Variants in BABAM2 observed in about 807,000 individuals in gnomAD.
The protein encoded by BABAM2 is BRISC and BRCA1 A complex member 2.
A neutral mutation model predicts 54.7 loss-of-function variants in BABAM2; 31 were observed. The observed-to-expected ratio is 0.57, with a 90% CI of 0.43 to 0.77. The LOEUF (loss-of-function observed/expected upper bound fraction) is 0.77, where lower values mean the gene tolerates loss of function less well. Among genes scored for constraint, BABAM2 ranks in the 30% least tolerant of loss-of-function variants. The probability of loss-of-function intolerance (pLI) is 0.00; values close to 1 mark genes in which losing one functional copy is unlikely to be tolerated. For synonymous variants in BABAM2, 167 were observed against 162.9 expected (o/e 1.03, Z -0.19); for missense variants, 364 against 455.8 (o/e 0.80, Z 1.83).
chr2:28,014,668 G>A (rs1296625705), intron 4 of BABAM2, among the ~76,000 whole-genome samples: 1 of 138,132 alleles, frequency 7.2e-6, no homozygotes, highest in Non-Finnish European at 1.6e-5. Flanking sequence ...TATGAAGCTG[G>A]TTTTTTTTTT....
chr2:28,176,109 GA>G (rs1469599140), intron 7 of BABAM2, among the ~76,000 whole-genome samples: 1 of 152,182 alleles, frequency 6.6e-6, no homozygotes, highest in Non-Finnish European at 1.5e-5. Flanking sequence ...CAAAAAGTTA[GA>G]AGTGACTTTT....
chr2:28,241,841 T>TC (rs553576490), intron 9 of BABAM2, among the ~76,000 whole-genome samples: 86 of 149,800 alleles, frequency 5.7e-4, no homozygotes, highest in Non-Finnish European at 8.0e-4. Context: ...GGTATGCTGT[T>TC]CATACCAAAG....
At chr2:28,274,031 C>T (rs1685661792) in intron 10 of BABAM2, among the ~76,000 whole-genome samples, 1 of 152,240 alleles carries the variant, frequency 6.6e-6, no homozygotes, top group African/African-American at 2.4e-5. Context: ...TTGCTTATAA[C>T]CTGTCACCTC....
chr2:27,991,734 G>A (rs191116689), intron 4 of BABAM2, among the ~76,000 whole-genome samples: 270 of 152,174 alleles, frequency 1.8e-3, no homozygotes, highest in Non-Finnish European at 3.0e-3. Context: ...TTTTCTTATT[G>A]CCAAATACGA....
chr2:28,241,588 G>A (rs551110433), intron 9 of BABAM2, among the ~76,000 whole-genome samples, 195 bp downstream of exon 9: 9 of 151,954 alleles, frequency 5.9e-5, no homozygotes, highest in African/African-American at 2.2e-4. Flanking sequence ...TCCACTTCCC[G>A]AGTTCAAGCG....
At chr2:28,112,230 T>C (rs921830699) in intron 6 of BABAM2, among the ~76,000 whole-genome samples, 2 of 74,752 alleles carry the variant, frequency 2.7e-5, no homozygotes, top group African/African-American at 5.5e-5. Context: ...TTCCTTCCTT[T>C]AAGTTCTGGG....
intron 10 of BABAM2, among the ~76,000 whole-genome samples, chr2:28,252,194 A>AC (rs1216784265): frequency 6.6e-6 from 1 of 151,494 alleles, no homozygotes; most frequent in East Asian, 1.9e-4. Flanking sequence ...CTCAAAAAAA[A>AC]AAAAAGCAAA....
intron 6 of BABAM2, among the ~76,000 whole-genome samples, chr2:28,093,139 T>G (rs1666303534): frequency 6.6e-6 from 1 of 152,172 alleles, no homozygotes; most frequent in Admixed American, 6.6e-5. Flanking sequence ...GTTCTTTAAA[T>G]TTGTATACCA....
Position 28,218,047 on chromosome 2 carries a change from C to T in BABAM2, c.681-19155C>T, listed in dbSNP as rs193164244. Among the ~76,000 whole-genome samples the T allele has an allele frequency of 1.7e-3, 254 of 152,232 alleles. 3 individuals carry two copies. The highest frequency in any genetic ancestry group is 5.9e-3 in the African/African-American group (244 of 41,546). On this transcript the variant is annotated intron_variant, in intron 7 of 11. Transcript: ENST00000379624. ...GAATAGAACAAGGAACTGTCTTATT[C>T]CTTTTACACAGATTCCCTAATTGTT... is the stretch of plus-strand genomic sequence containing the variant.
chr2:28,112,147 T>TTCTTTCTCTCCC (rs1558346715), intron 6 of BABAM2, among the ~76,000 whole-genome samples: 1 of 5,240 alleles, frequency 1.9e-4, no homozygotes, highest in Admixed American at 2.4e-3. Flanking sequence ...CTTTCTTTCT[T>TTCTTTCTCTCCC]TACCTCCCTC....
intron 10 of BABAM2, among the ~76,000 whole-genome samples, chr2:28,254,284 G>A (rs1011168493): frequency 6.6e-6 from 1 of 152,132 alleles, no homozygotes; most frequent in African/African-American, 2.4e-5. Flanking sequence ...CTACAGGCAT[G>A]TGCCACCATG....
chr2:28,163,840 G>C (rs900613000), intron 7 of BABAM2, among the ~76,000 whole-genome samples: 1 of 149,154 alleles, frequency 6.7e-6, no homozygotes, highest in Non-Finnish European at 1.5e-5. Context: ...GATGAGAATT[G>C]AGGCCATCCA....
intron 4 of BABAM2, among the ~76,000 whole-genome samples, chr2:28,017,381 A>G (rs1341637897): frequency 1.3e-5 from 2 of 152,122 alleles, no homozygotes; most frequent in African/African-American, 4.8e-5. Context: ...AAGACTTCCC[A>G]TTTATTTTAT....
In BABAM2 at chr2:28,129,249, GTGTTTTC is replaced by G. The variant is rs2148767971; in HGVS notation, c.571-21_571-15del. On this transcript the variant is annotated splice_polypyrimidine_tract_variant and intron_variant, in intron 6 of 11. Transcript: ENST00000379624. ...TGTTAGGAGAACAGGTGCTGATGTT[GTGTTTTC>G]ACTTCTTGTTTAAGGATGTAAATGA... 1 of 1,584,740 alleles carries G rather than the reference GTGTTTTC, an allele frequency of 6.3e-7. No homozygotes were observed. Among genetic ancestry groups the G allele is most frequent in the African/African-American group, 1.3e-5 (1 of 74,350 alleles).
intron 9 of BABAM2, 87 bp downstream of exon 9, chr2:28,241,480 A>C (rs1573912787): frequency 3.1e-6 from 4 of 1,270,956 alleles, no homozygotes; most frequent in South Asian, 1.3e-5. Flanking sequence ...AGAAAATAGC[A>C]CTTAGTTCTT....
chr2:28,337,557 A>C (rs1186911838), intron 11 of BABAM2, among the ~76,000 whole-genome samples: 1 of 152,252 alleles, frequency 6.6e-6, no homozygotes, highest in Non-Finnish European at 1.5e-5. Context: ...CGGAAAGGCC[A>C]AACGGGCTGC....
At chr2:28,275,435 AC>A (rs1302888889) in intron 10 of BABAM2, among the ~76,000 whole-genome samples, 1 of 152,076 alleles carries the variant, frequency 6.6e-6, no homozygotes, top group African/African-American at 2.4e-5. Flanking sequence ...CCTCCATTGT[AC>A]CTATTGCCTA....
intron 5 of BABAM2, among the ~76,000 whole-genome samples, chr2:28,040,339 C>T (rs1362559366): frequency 1.2e-4 from 12 of 99,548 alleles, no homozygotes; most frequent in Admixed American, 8.4e-4. Context: ...CTCGCTCTGT[C>T]GCCCAGGCTG....
intron 6 of BABAM2, among the ~76,000 whole-genome samples, chr2:28,057,342 C>T (rs1573490168): frequency 6.6e-6 from 1 of 152,144 alleles, no homozygotes; most frequent in South Asian, 2.1e-4. Context: ...GACTTAATCC[C>T]TTCATATCAG....
Sources: allele counts gnomAD v4.1 joint callset (sites outside exome capture counted in the v4.1 genomes callset), GRCh38; gene constraint gnomAD v4.1.1; transcripts MANE v1.5; gene names NCBI Gene and HGNC (gene_info 2026-07-23, HGNC 2026-07-21).